The following METTL24 variants were observed in gnomAD, a reference collection of about 807,000 sequenced individuals.
METTL24 encodes methyltransferase like 24, also known as probable methyltransferase-like protein 24.
METTL24 carries 29 observed loss-of-function variants against 32.7 expected under a neutral mutation model. The ratio of observed to expected loss-of-function variants is 0.89; its 90% CI spans 0.66 to 1.21. The LOEUF (loss-of-function observed/expected upper bound fraction) is 1.21. Among genes scored for constraint, METTL24 ranks in the 50% most tolerant of loss-of-function variants. The pLI is 0.00. For missense variants in METTL24, 439 were observed against 468.1 expected (o/e 0.94, Z 0.57); for synonymous variants, 163 against 179.5 (o/e 0.91, Z 0.73).
At chr6:110,278,646 T>C (rs537790554) in intron 4 of METTL24, among the ~76,000 whole-genome samples, 1 of 152,262 alleles carries the variant, frequency 6.6e-6, no homozygotes, top group South Asian at 2.1e-4. Context: ...CTTAAAAATA[T>C]GCTAAAATAA....
At chr6:110,271,186 C>T (rs1454309762) in intron 4 of METTL24, among the ~76,000 whole-genome samples, 1 of 151,918 alleles carries the variant, frequency 6.6e-6, no homozygotes, top group African/African-American at 2.4e-5. Context: ...AGTGCAGTTG[C>T]CAAATTTGGT....
intron 1 of METTL24, among the ~76,000 whole-genome samples, chr6:110,345,352 G>T (rs1303868457): frequency 2.0e-5 from 3 of 152,220 alleles, no homozygotes; most frequent in Non-Finnish European, 4.4e-5. Flanking sequence ...TTCAACCATT[G>T]TGAAAAGCAG....
Position 110,274,568 on chromosome 6 carries a change from G to A in METTL24, c.786+24354C>T, listed in dbSNP as rs113436915. Among the ~76,000 whole-genome samples the A allele has an allele frequency of 3.8e-3, 574 of 152,162 alleles. 5 individuals are homozygous for A. Among genetic ancestry groups the A allele is most frequent in the African/African-American group, 0.013 (553 of 41,522 alleles). ...ATTGGGTACAGTGCACACTGCTCAGGAGATGGGTGCACCAAAATCTCAGAA... is the reference window on the plus strand; with the variant it reads ...ATTGGGTACAGTGCACACTGCTCAGAAGATGGGTGCACCAAAATCTCAGAA... On this transcript the variant is annotated intron_variant, in intron 4 of 4. Transcript: ENST00000338882.
intron 1 of METTL24, among the ~76,000 whole-genome samples, chr6:110,334,644 T>C (rs536639289): frequency 6.6e-6 from 1 of 152,312 alleles, no homozygotes; most frequent in South Asian, 2.1e-4. Flanking sequence ...ATCACATGGT[T>C]AAAGAGTAGC....
chr6:110,306,024 A>G lies in METTL24; in HGVS notation c.558-6874T>C, dbSNP rs140479406. Among the ~76,000 whole-genome samples, 360 of 152,302 alleles carry G rather than the reference A, an allele frequency of 2.4e-3. 6 individuals are homozygous for G. In the East Asian group the frequency reaches 0.044, roughly 19 times the overall value. On this transcript the variant is annotated intron_variant, in intron 3 of 4. Transcript: ENST00000338882. Reference sequence around the variant, plus strand: ...AAAAGGTTGAGTTCATTTTCTTTGCAGGGACATGGATGAAGCTGGAAACCA... The same window carrying G: ...AAAAGGTTGAGTTCATTTTCTTTGCGGGGACATGGATGAAGCTGGAAACCA...
At position 110,244,665 on chromosome 6, in the gene METTL24, C is replaced by T. The variant is rs1218939550; in HGVS notation, c.*1281G>A. On this transcript the variant is annotated 3_prime_UTR_variant, in exon 5 of 5. Transcript: ENST00000338882. ...GAGAGCCAAGTGAAGGGGGACACCT[C>T]TTATAAAACCATCAGATCTCATGAG... Among the ~76,000 whole-genome samples, 2 of 152,022 alleles carry T rather than the reference C, an allele frequency of 1.3e-5. No homozygotes were observed. Among genetic ancestry groups the T allele is most frequent in the Non-Finnish European group, 2.9e-5 (2 of 68,010 alleles).
intron 4 of METTL24, among the ~76,000 whole-genome samples, chr6:110,274,833 C>T (rs542498658): frequency 2.3e-5 from 3 of 128,140 alleles, no homozygotes; most frequent in Admixed American, 8.8e-5. Flanking sequence ...GACAGCCTCA[C>T]TGTCATCCAG....
At chr6:110,250,022 A>G (rs981539162) in intron 4 of METTL24, among the ~76,000 whole-genome samples, 1 of 152,064 alleles carries the variant, frequency 6.6e-6, no homozygotes, top group Non-Finnish European at 1.5e-5. Flanking sequence ...ACCTGATGCC[A>G]TCTGGCAGCT....
At chr6:110,262,268 T>A (rs188280670) in intron 4 of METTL24, among the ~76,000 whole-genome samples, 114 of 152,062 alleles carry the variant, frequency 7.5e-4, no homozygotes, top group Middle Eastern at 3.4e-3. Context: ...GACACAATAA[T>A]AATTGATAAA....
At chr6:110,323,950 G>C (rs1051063060) in intron 1 of METTL24, among the ~76,000 whole-genome samples, 3 of 152,154 alleles carry the variant, frequency 2.0e-5, no homozygotes, top group Non-Finnish European at 4.4e-5. Flanking sequence ...GTGTTCTCCA[G>C]TCAGGTACTG....
At chr6:110,253,213 T>C (rs1335282341) in intron 4 of METTL24, among the ~76,000 whole-genome samples, 1 of 151,710 alleles carries the variant, frequency 6.6e-6, no homozygotes, top group Non-Finnish European at 1.5e-5. Context: ...AATAAAGAGG[T>C]CCTGAGTCAA....
rs530949227 is a variant in METTL24 at position 110,264,969 on chromosome 6, T to C, written c.787-18709A>G. Among the ~76,000 whole-genome samples, 3 of 151,818 alleles carry C rather than the reference T, an allele frequency of 2.0e-5. No homozygotes were observed. The South Asian group carries it at 6.3e-4, about 32-fold the overall frequency. ...GGGGAACATCACACACTGGGGCCTG[T>C]TGTGGGGTGGGGGTAGTGGGGAGGG... is the stretch of plus-strand genomic sequence containing the variant. On this transcript the variant is annotated intron_variant, in intron 4 of 4. Transcript: ENST00000338882.
At chr6:110,306,576 T>C (rs1385655515) in intron 3 of METTL24, among the ~76,000 whole-genome samples, 1 of 152,116 alleles carries the variant, frequency 6.6e-6, no homozygotes, top group Non-Finnish European at 1.5e-5. Context: ...TGTAATTTTT[T>C]GGATTAATTT....
At chr6:110,336,484 T>TA (rs914291845) in intron 1 of METTL24, among the ~76,000 whole-genome samples, 1 of 152,186 alleles carries the variant, frequency 6.6e-6, no homozygotes, top group Admixed American at 6.5e-5. Flanking sequence ...CTCATGCCTG[T>TA]AATCCCAGCA....
intron 1 of METTL24, among the ~76,000 whole-genome samples, chr6:110,337,432 G>T (rs1436954544): frequency 6.6e-6 from 1 of 152,014 alleles, no homozygotes; most frequent in African/African-American, 2.4e-5. Flanking sequence ...ATAAAAGTTA[G>T]AAAAAAAGAG....
chr6:110,288,650 G>GGA (rs142175543), intron 4 of METTL24, among the ~76,000 whole-genome samples: 1 of 151,990 alleles, frequency 6.6e-6, no homozygotes, highest in Non-Finnish European at 1.5e-5. Context: ...TATTTGAGAG[G>GGA]GAGAGAGAGA....
In METTL24 at chr6:110,250,327, C is replaced by T. The variant is rs933432657; in HGVS notation, c.787-4067G>A. 9.9e-5 allele frequency among the ~76,000 whole-genome samples: 15 copies of T among 151,890 alleles called. 1 individual carries two copies. The highest frequency in any genetic ancestry group is 2.4e-5 in the African/African-American group (1 of 41,410). ...TCAACATTCCTTGGCTCCTGCATCA[C>T]CTGATCTCTGCCTTCATCTTCACAT... On this transcript the variant is annotated intron_variant, in intron 4 of 4. Coordinates refer to ENST00000338882, the MANE Select transcript of METTL24 (RefSeq NM_001123364.3).
intron 4 of METTL24, among the ~76,000 whole-genome samples, chr6:110,253,723 C>T (rs1437164150): frequency 2.0e-5 from 3 of 152,186 alleles, no homozygotes; most frequent in Non-Finnish European, 4.4e-5. Flanking sequence ...CACATGCACA[C>T]ACAAACACAC....
chr6:110,302,564 CACACATACACACACAT>C (rs1562230930), intron 3 of METTL24, among the ~76,000 whole-genome samples: 40 of 98,328 alleles, frequency 4.1e-4, no homozygotes, highest in African/African-American at 2.5e-3. Context: ...TGTATATATA[CACACATACACACACAT>C]ATGTGTATAT....
Sources: gnomAD v4.1 joint callset for allele counts (sites outside exome capture counted in the v4.1 genomes callset) on GRCh38, gnomAD v4.1.1 for gene constraint, MANE v1.5 for transcripts, NCBI Gene and HGNC (gene_info 2026-07-23, HGNC 2026-07-21) for gene names.